The following HDAC9 variants were observed in gnomAD, a reference collection of about 807,000 sequenced individuals.
HDAC9 encodes the protein histone deacetylase 9, also known as MEF-2 interacting transcription repressor (MITR) protein.
Under a neutral mutation model 139.4 loss-of-function variants are expected in HDAC9, and 41 were observed. The ratio of observed to expected loss-of-function variants is 0.29; its 90% confidence interval spans 0.23 to 0.38. The LOEUF is 0.38. HDAC9 is among the 10% of genes least tolerant of loss of function. The probability of loss-of-function intolerance (pLI) is 1.00; values close to 1 mark genes in which losing one functional copy is unlikely to be tolerated. For missense variants in HDAC9, 1,147 were observed against 1,297.0 expected (o/e 0.88, Z 1.78); for synonymous variants, 517 against 476.2 (o/e 1.09, Z -1.12).
intron 2 of HDAC9, among the ~76,000 whole-genome samples, chr7:18,248,621 G>A (rs1294709938): frequency 1.3e-5 from 2 of 152,060 alleles, no homozygotes; most frequent in Admixed American, 6.6e-5. Context: ...TACAATTTCC[G>A]AATGAAAATC....
At chr7:18,989,219 G>A (rs1785647373) in intron 25 of HDAC9, among the ~76,000 whole-genome samples, 1 of 148,792 alleles carries the variant, frequency 6.7e-6, no homozygotes, top group East Asian at 1.9e-4. Flanking sequence ...TCCTTTCCAT[G>A]TTTAGCACTT....
intron 2 of HDAC9, among the ~76,000 whole-genome samples, chr7:18,502,860 G>A (rs1196191366): frequency 2.6e-5 from 4 of 152,120 alleles, no homozygotes; most frequent in Non-Finnish European, 4.4e-5. Flanking sequence ...AACGTGAATA[G>A]AGTATTCCTT....
chr7:18,115,247 TG>T (rs2128087259), intron 1 of HDAC9, among the ~76,000 whole-genome samples: 1 of 151,664 alleles, frequency 6.6e-6, no homozygotes, highest in East Asian at 1.9e-4. Context: ...GAGCAGAGAT[TG>T]TGCCACTGCA....
At position 18,789,286 on chromosome 7, in the gene HDAC9, G is replaced by GCGCGCACACACA. The variant is rs146066951; in HGVS notation, c.2215-4058_2215-4057insGCGCACACACAC. ...TTAATGCACACGCAGACACATACAC[G>GCGCGCACACACA]CACACACACACACACACACACACAG... On this transcript the variant is annotated intron_variant, in intron 16 of 25. Transcript: ENST00000686413. 1.3e-3 allele frequency among the ~76,000 whole-genome samples: 192 copies of GCGCGCACACACA among 148,494 alleles called. 1 individual carries two copies. Among genetic ancestry groups the GCGCGCACACACA allele is most frequent in the Non-Finnish European group, 2.0e-3 (135 of 67,370 alleles).
intron 2 of HDAC9, among the ~76,000 whole-genome samples, chr7:18,254,283 T>TA (rs1795100791): frequency 6.6e-6 from 1 of 152,316 alleles, no homozygotes; most frequent in South Asian, 2.1e-4. Flanking sequence ...TGTAAAGAGT[T>TA]ACCTATCTAG....
chr7:18,626,402 C>A (rs1182646227), intron 6 of HDAC9, among the ~76,000 whole-genome samples: 1 of 152,164 alleles, frequency 6.6e-6, no homozygotes, highest in Non-Finnish European at 1.5e-5. Context: ...GGATTCAGCC[C>A]CCATGGGCTT....
intron 17 of HDAC9, among the ~76,000 whole-genome samples, chr7:18,808,482 C>T (rs948069256): frequency 6.6e-6 from 1 of 151,828 alleles, no homozygotes; most frequent in East Asian, 1.9e-4. Context: ...TTATAGGATA[C>T]AAATCACATA....
intron 6 of HDAC9, among the ~76,000 whole-genome samples, chr7:18,621,417 T>C (rs1840177300): frequency 1.3e-5 from 2 of 152,042 alleles, no homozygotes; most frequent in African/African-American, 2.4e-5. Context: ...AAAGATCATA[T>C]TGTAAATTGA....
intron 24 of HDAC9, among the ~76,000 whole-genome samples, chr7:18,962,053 A>G (rs932672833): frequency 2.6e-5 from 4 of 152,206 alleles, no homozygotes; most frequent in African/African-American, 9.6e-5. Context: ...CTCAGTGCCA[A>G]AGTACAAGAA....
chr7:18,878,231 C>G (rs1389960179), intron 22 of HDAC9, among the ~76,000 whole-genome samples: 2 of 151,946 alleles, frequency 1.3e-5, no homozygotes, highest in Non-Finnish European at 2.9e-5. Context: ...TTCGTTTTGC[C>G]ACAACATATA....
At chr7:18,826,810 C>G (rs754996675) in intron 17 of HDAC9, among the ~76,000 whole-genome samples, 6 of 151,846 alleles carry the variant, frequency 4.0e-5, no homozygotes, top group Non-Finnish European at 8.8e-5. Flanking sequence ...GCTTTAACTC[C>G]TGCCTAGGAT....
rs1474064202 is a variant in HDAC9, at chr7:18,604,516, C to G, written c.664+10487C>G. Among the ~76,000 whole-genome samples the G allele has an allele frequency of 2.6e-5, 4 of 151,786 alleles. No homozygotes were observed. In the East Asian group the frequency reaches 7.7e-4, roughly 29 times the overall value. ...CTGCCTCCTGGGTTCACGCCATTCT[C>G]CTGCCTCAGCCTCCCGAGAAGCTGG... On this transcript the variant is annotated intron_variant, in intron 6 of 25. Transcript: ENST00000686413.
chr7:18,304,545 G>T (rs981995539), intron 1 of HDAC9, among the ~76,000 whole-genome samples: 11 of 152,176 alleles, frequency 7.2e-5, no homozygotes, highest in Admixed American at 7.2e-4. Flanking sequence ...TTTAGCAGGG[G>T]ACACAGATGT....
At chr7:18,757,088 A>G (rs994234576) in intron 14 of HDAC9, among the ~76,000 whole-genome samples, 1 of 152,156 alleles carries the variant, frequency 6.6e-6, no homozygotes, top group Non-Finnish European at 1.5e-5. Context: ...TAAGAAAGAC[A>G]GATAGATAAA....
intron 23 of HDAC9, chr7:18,948,827 G>A (rs972914707): frequency 5.6e-6 from 1 of 178,646 alleles, no homozygotes; most frequent in Non-Finnish European, 1.2e-5. Context: ...ATTACAAAAA[G>A]ACAGGTGGAT....
chr7:18,517,952 A>T (rs1314891156), intron 2 of HDAC9: 1 of 152,104 alleles, frequency 6.6e-6, no homozygotes, highest in African/African-American at 2.4e-5. Flanking sequence ...GGTCCCTCTC[A>T]TTTTCTATTC....
intron 12 of HDAC9, among the ~76,000 whole-genome samples, chr7:18,670,388 CTTG>C (rs1371657936): frequency 6.6e-6 from 1 of 152,120 alleles, no homozygotes; most frequent in African/African-American, 2.4e-5. Flanking sequence ...CGTTTATATT[CTTG>C]TTGTTACATC....
intron 2 of HDAC9, among the ~76,000 whole-genome samples, chr7:18,261,092 T>C (rs1304499694): frequency 6.6e-6 from 1 of 151,958 alleles, no homozygotes; most frequent in Non-Finnish European, 1.5e-5. Context: ...TGCTTGAGCC[T>C]AGGAGTTTGA....
At position 18,591,594 on chromosome 7, in the gene HDAC9, C is replaced by A; in HGVS notation, c.494C>A (p.Thr165Asn). The A allele has an allele frequency of 6.2e-7, 1 of 1,613,384 alleles. No homozygotes were observed. The highest frequency in any genetic ancestry group is 8.5e-7 in the Non-Finnish European group (1 of 1,179,702). Residue 165 changes from threonine (T) to asparagine (N), a missense_variant, in exon 5 of 26, where the codon ACT becomes AAT. This residue lies in a region of HDAC9 where 79 missense variants were observed against 65.8 expected (regional missense o/e 1.20). Coordinates refer to ENST00000686413, the MANE Select transcript of HDAC9 (RefSeq NM_178425.4). Reference protein sequence around the residue: ...LSKSATKDTPTNGKNHSVSRH... With the variant: ...LSKSATKDTPNNGKNHSVSRH... ...AAATCAGCAACGAAAGACACTCCAA[C>A]TAATGGAAAAAATCATTCCGTGAGC...
Sources: gnomAD v4.1 joint callset for allele counts (sites outside exome capture counted in the v4.1 genomes callset) on GRCh38, gnomAD v4.1.1 for gene constraint, gnomAD v4.1.1 regional missense constraint, MANE v1.5 for transcripts, NCBI Gene and HGNC (gene_info 2026-07-23, HGNC 2026-07-21) for gene names.